Variants in RAB11FIP2 observed in about 807,000 individuals in gnomAD.
RAB11FIP2 encodes the protein RAB11 family interacting protein 2.
A neutral mutation model predicts 40.9 loss-of-function variants in RAB11FIP2; 16 were observed. The ratio of observed to expected loss-of-function variants is 0.39; its 90% CI spans 0.26 to 0.59. RAB11FIP2 has a LOEUF of 0.59. Among genes scored for constraint, RAB11FIP2 ranks in the 20% least tolerant of loss-of-function variants. RAB11FIP2 has a pLI of 0.53. For missense variants in RAB11FIP2, 532 were observed against 606.2 expected (o/e 0.88, Z 1.28); for synonymous variants, 228 against 213.7 (o/e 1.07, Z -0.58).
intron 3 of RAB11FIP2, among the ~76,000 whole-genome samples, chr10:118,035,134 G>T (rs972209455): frequency 6.6e-6 from 1 of 152,154 alleles, no homozygotes; most frequent in East Asian, 1.9e-4. Context: ...GGCATCACAA[G>T]AAGGAAGAAG....
At position 118,036,473 on chromosome 10, in the gene RAB11FIP2, T is replaced by C. The variant is rs534516673; in HGVS notation, c.1265+2499A>G. Among the ~76,000 whole-genome samples, 7 of 152,238 alleles carry C rather than the reference T, an allele frequency of 4.6e-5. No individual in the cohort carries two copies. In the South Asian group the frequency reaches 1.2e-3, roughly 27 times the overall value. Reference sequence around the variant, plus strand: ...TGGGAGGAAAAATAGAACTATACTGTTACGTAAAGACAACACTACCTTGGC... The same window carrying C: ...TGGGAGGAAAAATAGAACTATACTGCTACGTAAAGACAACACTACCTTGGC... On this transcript the variant is annotated intron_variant, in intron 3 of 4. Coordinates refer to ENST00000355624, the MANE Select transcript of RAB11FIP2 (RefSeq NM_014904.3).
rs1589650977 is a variant in RAB11FIP2 at position 118,046,532 on chromosome 10, T to G, written c.-369A>C. On this transcript the variant is annotated 5_prime_UTR_variant, in exon 1 of 5. Transcript: ENST00000355624. Reference sequence around the variant, plus strand: ...GTGAAGGGAGCCCCCGCCCCAATTCTGCACCCCTGGCCTCCCGCCTGCCTC... The same window carrying G: ...GTGAAGGGAGCCCCCGCCCCAATTCGGCACCCCTGGCCTCCCGCCTGCCTC... 1 of 179,446 alleles carries G rather than the reference T, an allele frequency of 5.6e-6. No homozygotes were observed. Among genetic ancestry groups the G allele is most frequent in the Non-Finnish European group, 1.2e-5 (1 of 86,610 alleles). The allele number at this position is 179,446 out of a possible 1,614,324, so 11.1% of individuals were successfully genotyped here.
At chr10:118,035,715 G>A (rs1846472646) in intron 3 of RAB11FIP2, among the ~76,000 whole-genome samples, 1 of 151,966 alleles carries the variant, frequency 6.6e-6, no homozygotes, top group Non-Finnish European at 1.5e-5. Context: ...TCATGGTAGT[G>A]GGCAAAAAAA....
intron 1 of RAB11FIP2, 29 bp downstream of exon 1, chr10:118,045,782 C>T (rs1177221076): frequency 1.3e-6 from 2 of 1,510,562 alleles, no homozygotes; most frequent in East Asian, 2.3e-5. Context: ...ATAAACTCCC[C>T]CAAATTCAAA....
At chr10:118,034,521 T>C (rs1589646154) in intron 3 of RAB11FIP2, among the ~76,000 whole-genome samples, 1 of 152,134 alleles carries the variant, frequency 6.6e-6, no homozygotes, top group African/African-American at 2.4e-5. Context: ...AAATTAAAAA[T>C]GGTATAACAA....
At chr10:118,034,050 C>T (rs1846450156) in intron 3 of RAB11FIP2, 3 of 701,410 alleles carry the variant, frequency 4.3e-6, no homozygotes, top group Non-Finnish European at 5.2e-6. Context: ...TTCTGTAAAG[C>T]CCAAACAATA....
At chr10:118,013,748 TTAAC>T (rs1477849571) in intron 4 of RAB11FIP2, among the ~76,000 whole-genome samples, 1 of 152,068 alleles carries the variant, frequency 6.6e-6, no homozygotes, top group Admixed American at 6.6e-5. Flanking sequence ...TTTAAATCCT[TTAAC>T]TAAAACAATT....
chr10:118,025,419 T>G lies in RAB11FIP2; in HGVS notation c.1266-10309A>C, dbSNP rs187751792. Among the ~76,000 whole-genome samples the G allele has an allele frequency of 1.4e-4, 21 of 152,358 alleles. No individual in the cohort carries two copies. The East Asian group carries it at 3.5e-3, about 25-fold the overall frequency. On this transcript the variant is annotated intron_variant, in intron 3 of 4. Transcript: ENST00000355624. Reference sequence around the variant, plus strand: ...AATAATTTCACTATTGTCCTGCTTCTATAAGTTACATCATTAAAATGTTTC... The same window carrying G: ...AATAATTTCACTATTGTCCTGCTTCGATAAGTTACATCATTAAAATGTTTC...
intron 3 of RAB11FIP2, among the ~76,000 whole-genome samples, chr10:118,037,384 T>A (rs1846494455): frequency 6.6e-6 from 1 of 152,120 alleles, no homozygotes; most frequent in Non-Finnish European, 1.5e-5. Context: ...AAAATTTAAA[T>A]GCAAATTTTT....
rs764673853 is a variant in RAB11FIP2, at chr10:118,005,810, G to A, written c.*3188C>T. ...AATAAGCACCCTTCCGGGGATGGTA[G>A]GCAGGGAGGCGTGGTGGTGAGGGAG... On this transcript the variant is annotated 3_prime_UTR_variant, in exon 5 of 5. Coordinates refer to ENST00000355624, the MANE Select transcript of RAB11FIP2 (RefSeq NM_014904.3). 20 of 152,304 alleles carry A rather than the reference G, an allele frequency of 1.3e-4. No homozygotes were observed. Among genetic ancestry groups the A allele is most frequent in the Non-Finnish European group, 2.6e-4 (18 of 67,954 alleles). 9.4% of individuals were successfully genotyped at this position (152,304 alleles called of 1,614,324 possible).
At position 118,046,190 on chromosome 10, in the gene RAB11FIP2, T is replaced by C; in HGVS notation, c.-27A>G. 1.3e-6 allele frequency: 2 copies of C among 1,592,870 alleles called. No homozygotes were observed. On this transcript the variant is annotated 5_prime_UTR_variant, in exon 1 of 5. Coordinates refer to ENST00000355624, the MANE Select transcript of RAB11FIP2 (RefSeq NM_014904.3). ...CTGTCCTGTTTCTCTGCCCCCGAGT[T>C]CCCTAGCACAGGCAGTGCCCCTCCC...
chr10:118,034,400 G>A (rs1212546038), intron 3 of RAB11FIP2, among the ~76,000 whole-genome samples: 1 of 150,776 alleles, frequency 6.6e-6, no homozygotes, highest in Non-Finnish European at 1.5e-5. Context: ...GCTTGGTGAA[G>A]ACACACACCC....
At chr10:118,034,839 G>C (rs1311875386) in intron 3 of RAB11FIP2, among the ~76,000 whole-genome samples, 1 of 152,098 alleles carries the variant, frequency 6.6e-6, no homozygotes, top group Non-Finnish European at 1.5e-5. Context: ...CAGCATGCCA[G>C]CATTGGACAG....
At chr10:118,019,498 C>T (rs1846258457) in intron 3 of RAB11FIP2, among the ~76,000 whole-genome samples, 1 of 152,058 alleles carries the variant, frequency 6.6e-6, no homozygotes, top group Admixed American at 6.6e-5. Context: ...GGAGTGTGTC[C>T]TATTGATCTT....
intron 3 of RAB11FIP2, among the ~76,000 whole-genome samples, chr10:118,038,608 G>A (rs1283468863): frequency 6.6e-6 from 1 of 152,032 alleles, no homozygotes; most frequent in African/African-American, 2.4e-5. Flanking sequence ...GGTAGCCCAT[G>A]AACGAATCCC....
In RAB11FIP2 at chr10:118,039,043, G is replaced by C. The variant is rs752567364; in HGVS notation, c.1194C>G (p.Asp398Glu). 18 of 1,612,842 alleles carry C rather than the reference G, an allele frequency of 1.1e-5. 1 individual carries two copies. The highest frequency in any genetic ancestry group is 3.3e-4 in the Middle Eastern group (2 of 6,076). ...SPNAFSENRQ[D>E]YFDYESTNPF... is the part of the protein sequence containing the mutation. ...GATTGGTTGACTCATAATCAAAATA[G>C]TCCTGGCGATTTTCACTAAATGCAT... The change falls in exon 3 of 5, where the codon GAC becomes GAG. Residue 398 changes from aspartate (D) to glutamate (E), a missense_variant. Physicochemically the swap from Asp to Glu is conservative, Grantham distance 45. Transcript: ENST00000355624.
chr10:118,024,538 C>T (rs1419130908), intron 3 of RAB11FIP2, among the ~76,000 whole-genome samples: 2 of 143,998 alleles, frequency 1.4e-5, no homozygotes, highest in African/African-American at 5.2e-5. Context: ...ATTTTAGCAG[C>T]AAAACAGTGG....
rs1388561457 is a variant in RAB11FIP2 at position 118,007,513 on chromosome 10, A to AT, written c.*1484dup. On this transcript the variant is annotated 3_prime_UTR_variant, in exon 5 of 5. Coordinates refer to ENST00000355624, the MANE Select transcript of RAB11FIP2 (RefSeq NM_014904.3). The stretch of plus-strand genomic sequence containing the variant: ...AACTTTCAATGGAGTCTTAACAGAG[A>AT]TAAGTATTAGAAAAAAATGCAATTC... 1 of 151,776 alleles carries AT rather than the reference A, an allele frequency of 6.6e-6. No homozygotes were observed. 9.4% of individuals were successfully genotyped at this position (151,776 alleles called of 1,614,324 possible).
intron 3 of RAB11FIP2, among the ~76,000 whole-genome samples, chr10:118,029,764 T>C (rs1846391130): frequency 1.3e-5 from 2 of 152,116 alleles, no homozygotes; most frequent in African/African-American, 4.8e-5. Flanking sequence ...CTTTAGAGTA[T>C]AACATGTTCT....
Sources: gnomAD v4.1 joint callset for allele counts (sites outside exome capture counted in the v4.1 genomes callset) on GRCh38, gnomAD v4.1.1 for gene constraint, MANE v1.5 for transcripts, NCBI Gene and HGNC (gene_info 2026-07-23, HGNC 2026-07-21) for gene names.